The following LIMCH1 variants were observed in gnomAD, a reference collection of about 807,000 sequenced individuals.
The protein encoded by LIMCH1 is LIM and calponin homology domains-containing protein 1.
LIMCH1 carries 113 observed loss-of-function variants against 176.5 expected under a neutral mutation model. That is an observed-to-expected ratio of 0.64 (90% CI 0.55 to 0.75). The LOEUF (loss-of-function observed/expected upper bound fraction) is 0.75, where lower values mean the gene tolerates loss of function less well. Ranked by LOEUF, LIMCH1 falls within the 30% of genes least tolerant of loss-of-function variation. LIMCH1 has a pLI of 0.00. For synonymous variants in LIMCH1, 619 were observed against 645.9 expected, an observed-to-expected ratio of 0.96 and a Z score of 0.63; for missense variants, 1,674 against 1,814.9, an observed-to-expected ratio of 0.92 and a Z score of 1.41.
intron 2 of LIMCH1, among the ~76,000 whole-genome samples, chr4:41,503,473 C>A (rs2073730038): frequency 6.6e-6 from 1 of 152,196 alleles, no homozygotes; most frequent in Non-Finnish European, 1.5e-5. Context: ...GGGACTCTTC[C>A]ATCCAACCAG....
chr4:41,421,040 G>T (rs950014038), intron 1 of LIMCH1, among the ~76,000 whole-genome samples: 1 of 152,176 alleles, frequency 6.6e-6, no homozygotes, highest in Admixed American at 6.5e-5. Context: ...TGCAACCTTG[G>T]GGGTTGTTAG....
intron 1 of LIMCH1, among the ~76,000 whole-genome samples, chr4:41,578,062 C>T (rs2084791081): frequency 6.6e-6 from 1 of 152,154 alleles, no homozygotes; most frequent in Non-Finnish European, 1.5e-5. Context: ...AGGCTTTTGG[C>T]ACCCATTTCT....
chr4:41,415,767 G>A (rs2059870246), intron 1 of LIMCH1, among the ~76,000 whole-genome samples: 1 of 152,100 alleles, frequency 6.6e-6, no homozygotes, highest in Admixed American at 6.5e-5. Flanking sequence ...CGCGAGGTCA[G>A]GAGTTAGAGG....
In LIMCH1 at chr4:41,619,441, G is replaced by GCCTCT; in HGVS notation, c.458+1_458+2insCCTCT. 1 of 1,607,182 alleles carries GCCTCT rather than the reference G, an allele frequency of 6.2e-7. No individual in the cohort carries two copies. Among genetic ancestry groups the GCCTCT allele is most frequent in the East Asian group, 2.2e-5 (1 of 44,882 alleles). ...CGCTGGGTGGGGAGAGGCCCTTCAG[G>GCCTCT]TAAGGCCTGAGCACCGCTGCCCTCT... On this transcript the variant is annotated splice_donor_variant, in intron 6 of 31. Coordinates refer to ENST00000503057, the MANE Select transcript of LIMCH1 (RefSeq NM_001330672.2). LOFTEE classifies it high-confidence loss of function.
intron 1 of LIMCH1, among the ~76,000 whole-genome samples, chr4:41,581,577 C>A (rs1254174333): frequency 2.0e-5 from 3 of 151,968 alleles, no homozygotes; most frequent in Non-Finnish European, 2.9e-5. Flanking sequence ...GAGGCCAAGG[C>A]GGGTGGATCC....
At chr4:41,689,757 G>A in intron 30 of LIMCH1, 122 bp downstream of exon 30, 1 of 621,020 alleles carries the variant, frequency 1.6e-6, no homozygotes, top group Non-Finnish European at 3.0e-6. Context: ...CACTGTCTAG[G>A]TTGTATAGAC....
chr4:41,548,481 C>T lies in LIMCH1; in HGVS notation c.-241+10131C>T, dbSNP rs533520547. ...TCTTTAGTTGTTCAGTCAATTTTCT[C>T]TTATTCAAAAAGCTGGGCTGTTTTG... On this transcript the variant is annotated intron_variant, in intron 1 of 31. Coordinates refer to ENST00000503057, the MANE Select transcript of LIMCH1 (RefSeq NM_001330672.2). 2.6e-5 allele frequency among the ~76,000 whole-genome samples: 4 copies of T among 152,280 alleles called. No individual in the cohort carries two copies. In the East Asian group the frequency reaches 7.7e-4, roughly 29 times the overall value.
intron 1 of LIMCH1, among the ~76,000 whole-genome samples, chr4:41,574,943 G>A (rs1489392481): frequency 6.6e-6 from 1 of 152,130 alleles, no homozygotes; most frequent in African/African-American, 2.4e-5. Flanking sequence ...GGGCTGTTGT[G>A]AGAATGAAAA....
chr4:41,606,405 C>T (rs1451517232), intron 4 of LIMCH1, among the ~76,000 whole-genome samples: 3 of 152,144 alleles, frequency 2.0e-5, no homozygotes, highest in African/African-American at 7.2e-5. Context: ...TGCTTACCCA[C>T]TGGGGCCTTG....
At chr4:41,651,722 A>C (rs868820107) in intron 18 of LIMCH1, among the ~76,000 whole-genome samples, 3 of 152,224 alleles carry the variant, frequency 2.0e-5, no homozygotes, top group Admixed American at 6.5e-5. Context: ...TAGTTAAAGA[A>C]ACAAAAATTC....
chr4:41,581,448 A>G (rs1182343227), intron 1 of LIMCH1, among the ~76,000 whole-genome samples: 1 of 152,022 alleles, frequency 6.6e-6, no homozygotes, highest in Non-Finnish European at 1.5e-5. Flanking sequence ...ACATTTCCCT[A>G]TTTCCCACAG....
At chr4:41,365,697 C>G (rs1274717642) in intron 1 of LIMCH1, among the ~76,000 whole-genome samples, 1 of 152,220 alleles carries the variant, frequency 6.6e-6, no homozygotes, top group Admixed American at 6.5e-5. Flanking sequence ...TAAATGAGAG[C>G]AGGCGGCATC....
chr4:41,415,977 G>GA (rs555817677), intron 1 of LIMCH1, among the ~76,000 whole-genome samples: 65 of 141,216 alleles, frequency 4.6e-4, no homozygotes, highest in Admixed American at 6.4e-4. Context: ...ACTCCGTCTC[G>GA]AAAAAAAAAA....
intron 2 of LIMCH1, among the ~76,000 whole-genome samples, chr4:41,499,890 C>T (rs964449707): frequency 1.3e-5 from 2 of 152,226 alleles, no homozygotes; most frequent in Non-Finnish European, 2.9e-5. Context: ...TCTTTAGCTT[C>T]CCTAAACCTA....
intron 2 of LIMCH1, among the ~76,000 whole-genome samples, chr4:41,510,324 ATG>A (rs2074722254): frequency 6.6e-6 from 1 of 152,238 alleles, no homozygotes; most frequent in South Asian, 2.1e-4. Context: ...CATGTGGTAG[ATG>A]AGAAACTGGC....
At chr4:41,371,422 A>T (rs967121209) in intron 1 of LIMCH1, among the ~76,000 whole-genome samples, 1 of 151,962 alleles carries the variant, frequency 6.6e-6, no homozygotes, top group African/African-American at 2.4e-5. Flanking sequence ...AACCATTTTT[A>T]CTCCCTTTCA....
At chr4:41,372,426 G>A (rs2054116049) in intron 1 of LIMCH1, among the ~76,000 whole-genome samples, 1 of 151,946 alleles carries the variant, frequency 6.6e-6, no homozygotes, top group Non-Finnish European at 1.5e-5. Flanking sequence ...TCTTAGTTTG[G>A]GACATTATTC....
intron 7 of LIMCH1, among the ~76,000 whole-genome samples, chr4:41,625,005 GC>G (rs2092847420): frequency 6.6e-6 from 1 of 152,086 alleles, no homozygotes; most frequent in South Asian, 2.1e-4. Flanking sequence ...AGTGAGCTGT[GC>G]CCCCAAAGCA....
At chr4:41,497,932 G>A (rs1451819976) in intron 2 of LIMCH1, among the ~76,000 whole-genome samples, 1 of 152,156 alleles carries the variant, frequency 6.6e-6, no homozygotes, top group East Asian at 1.9e-4. Context: ...AGAGAGGAGA[G>A]GGCATTAGTG....
Sources: gnomAD v4.1 joint callset for allele counts (sites outside exome capture counted in the v4.1 genomes callset) on GRCh38, gnomAD v4.1.1 for gene constraint, MANE v1.5 for transcripts, NCBI Gene and HGNC (gene_info 2026-07-23, HGNC 2026-07-21) for gene names.